DLG2: variants seen among roughly 807,000 people sequenced by gnomAD.
DLG2 encodes discs large MAGUK scaffold protein 2.
In DLG2, 45 loss-of-function variants were observed where a neutral mutation model predicts 132.5. The ratio of observed to expected loss-of-function variants is 0.34; its 90% CI spans 0.27 to 0.44. The LOEUF (loss-of-function observed/expected upper bound fraction) is 0.44. Ranked by LOEUF, DLG2 falls within the 20% of genes least tolerant of loss-of-function variation. The pLI is 1.00. For synonymous variants in DLG2, 424 were observed against 419.6 expected (o/e 1.01, Z -0.13); for missense variants, 1,045 against 1,196.9 (o/e 0.87, Z 1.87).
chr11:84,179,600 G>A (rs1472460518), intron 8 of DLG2, among the ~76,000 whole-genome samples: 3 of 152,134 alleles, frequency 2.0e-5, no homozygotes, highest in African/African-American at 4.8e-5. Flanking sequence ...CGAGGCCTTC[G>A]TATTGAATAT....
chr11:84,517,000 G>A (rs1195563341), intron 7 of DLG2, among the ~76,000 whole-genome samples: 3 of 99,368 alleles, frequency 3.0e-5, no homozygotes, highest in Admixed American at 1.1e-4. Flanking sequence ...AAAAAAAAAA[G>A]GATAAAAGTA....
At chr11:83,863,910 T>G (rs2061851592) in intron 16 of DLG2, among the ~76,000 whole-genome samples, 1 of 152,152 alleles carries the variant, frequency 6.6e-6, no homozygotes, top group South Asian at 2.1e-4. Flanking sequence ...AGAGAAGGGA[T>G]GCTCACACAT....
intron 3 of DLG2, among the ~76,000 whole-genome samples, chr11:85,561,858 T>C (rs1006899784): frequency 6.6e-6 from 1 of 151,916 alleles, no homozygotes; most frequent in African/African-American, 2.4e-5. Context: ...CCAGTTACTA[T>C]GCTAACCATT....
intron 4 of DLG2, among the ~76,000 whole-genome samples, chr11:85,222,586 C>T (rs2074718804): frequency 6.6e-6 from 1 of 152,122 alleles, no homozygotes; most frequent in South Asian, 2.1e-4. Flanking sequence ...GAAAGTGAGT[C>T]CCCAAAGAGG....
chr11:84,957,397 A>G (rs368380233), intron 6 of DLG2, among the ~76,000 whole-genome samples: 2 of 152,206 alleles, frequency 1.3e-5, no homozygotes, highest in South Asian at 4.1e-4. Flanking sequence ...TATATGTGAT[A>G]TTTAAAGATA....
intron 18 of DLG2, among the ~76,000 whole-genome samples, chr11:83,690,440 G>A (rs1432102901): frequency 6.6e-6 from 1 of 151,840 alleles, no homozygotes; most frequent in Non-Finnish European, 1.5e-5. Flanking sequence ...GTTTAATATA[G>A]TAGAAATGTT....
At chr11:83,915,344 A>G (rs1405350794) in intron 15 of DLG2, among the ~76,000 whole-genome samples, 1 of 152,174 alleles carries the variant, frequency 6.6e-6, no homozygotes, top group African/African-American at 2.4e-5. Flanking sequence ...AGTTTTATGT[A>G]ATGGAATGAT....
chr11:84,726,062 C>A (rs2062412726), intron 6 of DLG2, among the ~76,000 whole-genome samples: 1 of 152,040 alleles, frequency 6.6e-6, no homozygotes, highest in Non-Finnish European at 1.5e-5. Flanking sequence ...TATAAATGGA[C>A]TCTAATATGC....
intron 6 of DLG2, among the ~76,000 whole-genome samples, chr11:84,614,649 A>G (rs908293051): frequency 6.6e-5 from 10 of 152,162 alleles, no homozygotes; most frequent in Non-Finnish European, 1.2e-4. Flanking sequence ...TGACAAATAT[A>G]TATACATTTT....
At chr11:83,545,180 A>G (rs2096205585) in intron 19 of DLG2, among the ~76,000 whole-genome samples, 1 of 152,154 alleles carries the variant, frequency 6.6e-6, no homozygotes, top group Non-Finnish European at 1.5e-5. Flanking sequence ...TTTTTTAACT[A>G]TGTGATCTTA....
chr11:84,720,441 C>G (rs188880747), intron 6 of DLG2: 2 of 985,398 alleles, frequency 2.0e-6, no homozygotes. Context: ...GGGACCCAAA[C>G]GCTGTGCTCG....
chr11:84,707,204 T>C (rs946048980), intron 6 of DLG2, among the ~76,000 whole-genome samples: 9 of 151,806 alleles, frequency 5.9e-5, no homozygotes, highest in Non-Finnish European at 1.2e-4. Context: ...GAATGCTGAT[T>C]AATCTGAGAT....
In DLG2 at chr11:84,934,515, G is replaced by GGTTTTTTTT. The variant is rs1566441569; in HGVS notation, c.357+177145_357+177146insAAAAAAAAC. 1.2e-3 allele frequency among the ~76,000 whole-genome samples: 47 copies of GGTTTTTTTT among 40,500 alleles called. 3 individuals carry two copies. The highest frequency in any genetic ancestry group is 2.7e-3 in the Admixed American group (8 of 2,998). The allele number at this position is 40,500 out of a possible 152,430, so 26.6% of individuals were successfully genotyped here. A position where few individuals can be genotyped will look rare whatever the true frequency, so the allele number is the denominator to read the frequency against. On this transcript the variant is annotated intron_variant, in intron 6 of 27. Transcript: ENST00000376104. The stretch of plus-strand genomic sequence containing the variant: ...GTATGGTCCTGGGTGTTTTTTTTTT[G>GGTTTTTTTT]TTTTGTTTTGTTTTTTTTTTTTTTT...
At chr11:84,831,878 C>A (rs545320041) in intron 6 of DLG2, among the ~76,000 whole-genome samples, 1 of 151,728 alleles carries the variant, frequency 6.6e-6, no homozygotes, top group African/African-American at 2.4e-5. Context: ...GATACAGTGA[C>A]GACCTGCTCT....
rs151068202 is a variant in DLG2 at position 83,837,342 on chromosome 11, C to T, written c.1566-3572G>A. Among the ~76,000 whole-genome samples, 50 of 152,276 alleles carry T rather than the reference C, an allele frequency of 3.3e-4. No individual in the cohort carries two copies. The East Asian group carries it at 8.7e-3, about 26-fold the overall frequency. ...TAGAAAGTGGAGTATCGACTAGCAT[C>T]ACCTCGTACCCCCTTGTTCTGCCTA... On this transcript the variant is annotated intron_variant, in intron 16 of 27. Coordinates refer to ENST00000376104, the MANE Select transcript of DLG2 (RefSeq NM_001142699.3).
At chr11:83,657,545 T>TC (rs1471107962) in intron 18 of DLG2, among the ~76,000 whole-genome samples, 3 of 140,518 alleles carry the variant, frequency 2.1e-5, no homozygotes, top group Non-Finnish European at 1.5e-5. Flanking sequence ...TTTTTTTTTT[T>TC]TTTTTTTTTT....
chr11:85,592,836 C>A (rs982760744), intron 3 of DLG2, among the ~76,000 whole-genome samples: 1 of 151,734 alleles, frequency 6.6e-6, no homozygotes, highest in Non-Finnish European at 1.5e-5. Context: ...ACCAGTAGTC[C>A]CAGGTACCAG....
intron 4 of DLG2, among the ~76,000 whole-genome samples, chr11:85,204,255 T>C (rs997388753): frequency 1.5e-4 from 23 of 152,164 alleles, no homozygotes; most frequent in African/African-American, 5.5e-4. Flanking sequence ...TTTATCCTTG[T>C]TTGCAGAAGA....
At chr11:84,416,453 A>G (rs898175421) in intron 7 of DLG2, among the ~76,000 whole-genome samples, 4 of 152,226 alleles carry the variant, frequency 2.6e-5, no homozygotes, top group Non-Finnish European at 5.9e-5. Context: ...AAACAACAGT[A>G]ACCAACTCCA....
Sources: gnomAD v4.1 joint callset for allele counts (sites outside exome capture counted in the v4.1 genomes callset) on GRCh38, gnomAD v4.1.1 for gene constraint, MANE v1.5 for transcripts, NCBI Gene and HGNC (gene_info 2026-07-23, HGNC 2026-07-21) for gene names.